Variants in OPA1 observed in about 807,000 individuals in gnomAD.
OPA1 encodes the protein dynamin-like GTPase OPA1, mitochondrial.
In OPA1, 59 loss-of-function variants were observed where a neutral mutation model predicts 152.9. The ratio of observed to expected loss-of-function variants is 0.39; its 90% CI spans 0.31 to 0.48. The LOEUF is 0.48. OPA1 is among the 20% of genes least tolerant of loss of function. The pLI, the probability that OPA1 is intolerant of heterozygous loss-of-function variation, is 0.96. For missense variants in OPA1, 1,008 were observed against 1,216.8 expected (o/e 0.83, Z 2.55); for synonymous variants, 400 against 389.9 (o/e 1.03, Z -0.31).
At chr3:193,629,061 A>G (rs1336712878) in intron 7 of OPA1, among the ~76,000 whole-genome samples, 1 of 151,934 alleles carries the variant, frequency 6.6e-6, no homozygotes, top group Non-Finnish European at 1.5e-5. Flanking sequence ...TTACAGGCAC[A>G]TGCCACTACA....
intron 24 of OPA1, 26 bp downstream of exon 24, chr3:193,659,021 T>C (rs1296706020): frequency 6.7e-7 from 1 of 1,487,822 alleles, no homozygotes; most frequent in Non-Finnish European, 9.4e-7. Context: ...GCTTATTGAG[T>C]TCTGAGTTCA....
intron 19 of OPA1, 95 bp downstream of exon 19, chr3:193,647,275 C>T (rs1734809924): frequency 1.3e-6 from 1 of 778,334 alleles, no homozygotes; most frequent in South Asian, 1.5e-5. Context: ...TTTCCTTTAA[C>T]AGTTGCTTGG....
intron 16 of OPA1, among the ~76,000 whole-genome samples, chr3:193,644,659 TCTTTTTAAGGGTAAGGCCTG>T (rs1348864656): frequency 3.9e-5 from 6 of 152,282 alleles, no homozygotes; most frequent in African/African-American, 1.4e-4. Flanking sequence ...TGTTCTGCTT[TCTTTTTAAGGGTAAGGCCTG>T]CCGTGGCATT....
At chr3:193,686,901 A>G (rs1164479843) in intron 29 of OPA1, among the ~76,000 whole-genome samples, 1 of 152,136 alleles carries the variant, frequency 6.6e-6, no homozygotes, top group Non-Finnish European at 1.5e-5. Flanking sequence ...ACACTGCATT[A>G]GTAAGTTGGC....
chr3:193,612,660 T>G (rs920555618), intron 1 of OPA1, among the ~76,000 whole-genome samples: 1 of 152,334 alleles, frequency 6.6e-6, no homozygotes, highest in Non-Finnish European at 1.5e-5. Context: ...TTAACCCATT[T>G]TACTGAAAAT....
rs541678150 is a variant in OPA1, at chr3:193,686,097, T to C, written c.2984-5966T>C. ...TTCATTATTAATCCCATGAAGTCCA[T>C]GTTACAGAAGATTTTGTCTACAACA... On this transcript the variant is annotated intron_variant, in intron 29 of 30. Coordinates refer to ENST00000361510, the MANE Select transcript of OPA1 (RefSeq NM_130837.3). 2.6e-3 allele frequency among the ~76,000 whole-genome samples: 397 copies of C among 152,354 alleles called. 2 individuals carry two copies. Among genetic ancestry groups the C allele is most frequent in the Non-Finnish European group, 3.9e-3 (264 of 68,038 alleles).
chr3:193,623,266 A>G (rs1655766582), intron 6 of OPA1, among the ~76,000 whole-genome samples: 1 of 152,134 alleles, frequency 6.6e-6, no homozygotes, highest in Non-Finnish European at 1.5e-5. Flanking sequence ...CAATACTATC[A>G]CATTGTGAGG....
intron 2 of OPA1, among the ~76,000 whole-genome samples, 188 bp from the exon 3 acceptor site, chr3:193,615,486 A>T (rs191417092): frequency 6.6e-6 from 1 of 152,238 alleles, no homozygotes; most frequent in African/African-American, 2.4e-5. Context: ...TACATTTTCC[A>T]TATTTAACAG....
intron 21 of OPA1, among the ~76,000 whole-genome samples, chr3:193,649,456 A>C (rs1711853512): frequency 6.6e-6 from 1 of 152,352 alleles, no homozygotes; most frequent in East Asian, 1.9e-4. Context: ...AGACACGGTA[A>C]AACAAGCTAT....
chr3:193,601,660 A>C (rs1031945290), intron 1 of OPA1, among the ~76,000 whole-genome samples: 22 of 152,236 alleles, frequency 1.4e-4, no homozygotes, highest in Non-Finnish European at 4.4e-5. Flanking sequence ...ACTTGTACTA[A>C]CATAAGTAAT....
At chr3:193,668,824 GC>G in intron 29 of OPA1, 41 of 1,138,088 alleles carry the variant, frequency 3.6e-5, no homozygotes, top group Non-Finnish European at 4.5e-5. Context: ...TAGGTTCCTA[GC>G]TTTAAGATAG....
chr3:193,643,309 A>G, intron 13 of OPA1, 64 bp from the exon 14 acceptor site: 1 of 1,369,096 alleles, frequency 7.3e-7, no homozygotes, highest in Non-Finnish European at 1.0e-6. Flanking sequence ...ATTTCACCAA[A>G]AAAAATTCTT....
chr3:193,660,159 G>A lies in OPA1; in HGVS notation c.2520+598G>A, dbSNP rs143682503. Among the ~76,000 whole-genome samples the A allele has an allele frequency of 4.1e-4, 63 of 152,086 alleles. 1 individual carries two copies. In the East Asian group the frequency reaches 0.012, roughly 28 times the overall value. ...AGGATGTACAATGAATATGATTGGC[G>A]GGAAAAGATACAATTTTTCTTGCCT... On this transcript the variant is annotated intron_variant, in intron 25 of 30. Transcript: ENST00000361510.
intron 30 of OPA1, among the ~76,000 whole-genome samples, chr3:193,694,156 A>G (rs1008900510): frequency 6.6e-6 from 1 of 152,206 alleles, no homozygotes; most frequent in African/African-American, 2.4e-5. Context: ...GAACTTTTAC[A>G]AAGTATCTTG....
At chr3:193,616,731 T>C (rs925683143) in intron 3 of OPA1, among the ~76,000 whole-genome samples, 9 of 152,228 alleles carry the variant, frequency 5.9e-5, no homozygotes, top group Non-Finnish European at 1.3e-4. Flanking sequence ...TTAAGAAATA[T>C]ATTTTCATCA....
At chr3:193,657,896 C>T (rs1437981497) in intron 23 of OPA1, among the ~76,000 whole-genome samples, 2 of 152,062 alleles carry the variant, frequency 1.3e-5, no homozygotes, top group South Asian at 2.1e-4. Flanking sequence ...CAGGATTGAG[C>T]GATTTTCTGG....
Position 193,696,292 on chromosome 3 carries a change from A to G in OPA1, c.*1692A>G, listed in dbSNP as rs1207680060. 6.6e-6 allele frequency: 1 copy of G among 152,266 alleles called. No individual in the cohort carries two copies. The highest frequency in any genetic ancestry group is 6.5e-5 in the Admixed American group (1 of 15,286). 9.4% of individuals were successfully genotyped at this position (152,266 alleles called of 1,614,324 possible). ...AAGAAAGACCTTCAGCTGTATTTCCACAGATTTCTCCCAAGGAAAAGGCTA... is the reference window on the plus strand; with the variant it reads ...AAGAAAGACCTTCAGCTGTATTTCCGCAGATTTCTCCCAAGGAAAAGGCTA... On this transcript the variant is annotated 3_prime_UTR_variant, in exon 31 of 31. Transcript: ENST00000361510.
chr3:193,633,635 TAAA>T (rs1732458524), intron 8 of OPA1, among the ~76,000 whole-genome samples: 1 of 152,182 alleles, frequency 6.6e-6, no homozygotes, highest in Non-Finnish European at 1.5e-5. Context: ...ATTTTTACAT[TAAA>T]AAGGGGTAAA....
intron 6 of OPA1, among the ~76,000 whole-genome samples, chr3:193,625,154 A>G (rs1730867406): frequency 6.6e-6 from 1 of 152,150 alleles, no homozygotes; most frequent in Non-Finnish European, 1.5e-5. Context: ...ATCAGTTAAT[A>G]AAGCTATGCA....
Sources: allele counts gnomAD v4.1 joint callset (sites outside exome capture counted in the v4.1 genomes callset), GRCh38; gene constraint gnomAD v4.1.1; transcripts MANE v1.5; gene names NCBI Gene and HGNC (gene_info 2026-07-23, HGNC 2026-07-21).